UBA1: variants seen among roughly 807,000 people sequenced by gnomAD.
UBA1 encodes ubiquitin-like modifier-activating enzyme 1.
A neutral mutation model predicts 84.7 loss-of-function variants in UBA1; 4 were observed. The ratio of observed to expected loss-of-function variants is 0.05; its 90% CI spans 0.02 to 0.11. The LOEUF (loss-of-function observed/expected upper bound fraction) is 0.11. Ranked by LOEUF, UBA1 falls within the 10% of genes least tolerant of loss-of-function variation. The probability of loss-of-function intolerance (pLI) is 1.00; values close to 1 mark genes in which losing one functional copy is unlikely to be tolerated. For missense variants in UBA1, 513 were observed against 902.8 expected (o/e 0.57, Z 5.53); for synonymous variants, 364 against 362.6 (o/e 1.00, Z -0.04).
Position 47,213,007 on chromosome X carries a change from G to A in UBA1, c.2664G>A (p.Gly888=), listed in dbSNP as rs781862478. Residue 888 remains glycine, a synonymous_variant, in exon 23 of 26, where the codon GGG becomes GGA. Transcript: ENST00000335972. ...TCTCTCAGAGCAAGCTGATTGCAGG[G>A]AAGATCATCCCAGCCATTGCCACGA... ...ADRHKSKLIA[G]KIIPAIATTT... 5 of 1,210,238 alleles carry A rather than the reference G, an allele frequency of 4.1e-6. No homozygotes were observed. The South Asian group carries it at 8.8e-5, about 21-fold the overall frequency.
intron 16 of UBA1, 189 bp downstream of exon 16, chrX:47,206,633 T>C (rs1454281388): frequency 2.2e-6 from 1 of 453,406 alleles, no homozygotes; most frequent in Non-Finnish European, 3.8e-6. Context: ...CTTTTTTCAC[T>C]TTTATTTTGA....
chrX:47,205,057 G>A (rs1319587094), intron 14 of UBA1: 1 of 122,548 alleles, frequency 8.2e-6, no homozygotes, highest in African/African-American at 3.2e-5. Flanking sequence ...GTGTCAGGGA[G>A]AATGGTTTGT....
chrX:47,213,598 G>T (rs1405777263), intron 23 of UBA1, among the ~76,000 whole-genome samples: 1 of 112,521 alleles, frequency 8.9e-6, no homozygotes, highest in Admixed American at 9.4e-5. Context: ...GGGCGTGGTG[G>T]CTTACGCCTG....
upstream of UBA1, among the ~76,000 whole-genome samples, chrX:47,193,301 A>G (rs1936094700): frequency 9.0e-6 from 1 of 111,461 alleles, no homozygotes; most frequent in Non-Finnish European, 1.9e-5. Flanking sequence ...TCCCTGCAGC[A>G]GCCCCATTTC....
intron 14 of UBA1, 51 bp downstream of exon 14, chrX:47,203,747 CTTTTTTTTT>C (rs781978873): frequency 1.7e-6 from 1 of 573,561 alleles, no homozygotes; most frequent in Non-Finnish European, 2.3e-6. Context: ...CCTCCTTTTT[CTTTTTTTTT>C]TTTTTTTTGA....
At chrX:47,201,026 T>C in intron 6 of UBA1, 26 bp downstream of exon 6, 6 of 1,134,783 alleles carry the variant, frequency 5.3e-6, no homozygotes, top group Non-Finnish European at 7.1e-6. Flanking sequence ...CCTCCCTCCC[T>C]GTCCCCTTTT....
intron 1 of UBA1, among the ~76,000 whole-genome samples, chrX:47,195,239 GTTTTCT>G (rs782029747): frequency 6.3e-5 from 7 of 110,888 alleles, no homozygotes; most frequent in Admixed American, 4.8e-4. Flanking sequence ...AGGCCTTCTT[GTTTTCT>G]TTTTCTTTTT....
intron 23 of UBA1, 103 bp from the exon 24 acceptor site, chrX:47,214,224 A>T: frequency 1.4e-6 from 1 of 698,297 alleles, no homozygotes; most frequent in Non-Finnish European, 2.3e-6. Context: ...GAGGGTTGTG[A>T]TCTGACTAAA....
At chrX:47,202,285 G>T (rs1556788455) in intron 9 of UBA1, 32 bp downstream of exon 9, 1 of 1,206,177 alleles carries the variant, frequency 8.3e-7, no homozygotes. Flanking sequence ...GTGGGCTGTG[G>T]GGGGTGGTTC....
At chrX:47,197,578 T>C (rs1556785884) in intron 1 of UBA1, 1 of 750,615 alleles carries the variant, frequency 1.3e-6, no homozygotes, top group Non-Finnish European at 1.6e-6. Flanking sequence ...ATCTCCAGCA[T>C]GTGGACCCAG....
intron 20 of UBA1, among the ~76,000 whole-genome samples, chrX:47,211,845 A>G (rs1936931262): frequency 9.5e-6 from 1 of 105,048 alleles, no homozygotes; most frequent in Non-Finnish European, 2.0e-5. Flanking sequence ...TGAAATGTCT[A>G]CTCCTTCATG....
intron 1 of UBA1, chrX:47,197,025 G>T: frequency 1.7e-6 from 1 of 591,917 alleles, no homozygotes; most frequent in Non-Finnish European, 2.0e-6. Flanking sequence ...TCTACCCCAG[G>T]TCAGTCAGAG....
chrX:47,214,480 C>T (rs782609859), intron 24 of UBA1, 52 bp downstream of exon 24: 69 of 1,195,150 alleles, frequency 5.8e-5, no homozygotes, highest in Admixed American at 3.1e-4. Flanking sequence ...GAGGTGTACA[C>T]GGTGACTTGC....
At chrX:47,193,712 A>C (rs1266189944), upstream of UBA1, 1 of 112,637 alleles carries the variant, frequency 8.9e-6, no homozygotes, top group Non-Finnish European at 1.9e-5. Flanking sequence ...AACCGAATGA[A>C]TCGCAACCGA....
chrX:47,198,229 A>G, intron 1 of UBA1: 1 of 980,136 alleles, frequency 1.0e-6, no homozygotes, highest in Non-Finnish European at 1.3e-6. Flanking sequence ...TCCCTCCTGC[A>G]CTCCCCGCTC....
intron 14 of UBA1, chrX:47,205,712 C>A: frequency 2.3e-6 from 1 of 436,086 alleles, no homozygotes; most frequent in Non-Finnish European, 4.0e-6. Flanking sequence ...AAATTAGCCA[C>A]GCATGGTGGC....
At chrX:47,213,711 CA>C (rs1437393547) in intron 23 of UBA1, among the ~76,000 whole-genome samples, 1 of 111,218 alleles carries the variant, frequency 9.0e-6, no homozygotes, top group South Asian at 3.8e-4. Context: ...ACTAAAAATA[CA>C]AAAAATTAGC....
rs1001950795 is a variant in UBA1, at chrX:47,213,523, C to T, written c.2838+342C>T. On this transcript the variant is annotated intron_variant, in intron 23 of 25. Coordinates refer to ENST00000335972, the MANE Select transcript of UBA1 (RefSeq NM_003334.4). Reference sequence around the variant, plus strand: ...GCAGGGACTCTTCTAAGTTATGTTCCTCAAGTAGATTATATAAATAACCTA... The same window carrying T: ...GCAGGGACTCTTCTAAGTTATGTTCTTCAAGTAGATTATATAAATAACCTA... Among the ~76,000 whole-genome samples the T allele has an allele frequency of 9.8e-5, 11 of 111,928 alleles. No homozygotes were observed. The Admixed American group carries it at 1.0e-3, about 11-fold the overall frequency.
intron 1 of UBA1, among the ~76,000 whole-genome samples, 171 bp downstream of exon 1, chrX:47,194,195 A>G: frequency 9.0e-6 from 1 of 111,681 alleles, no homozygotes; most frequent in Non-Finnish European, 1.9e-5. Flanking sequence ...TTCCCCGGCC[A>G]GGACCACTCC....
Sources: allele counts gnomAD v4.1 joint callset (sites outside exome capture counted in the v4.1 genomes callset), GRCh38; gene constraint gnomAD v4.1.1; transcripts MANE v1.5; gene names NCBI Gene and HGNC (gene_info 2026-07-23, HGNC 2026-07-21).